SAMD12: variants seen among roughly 807,000 people sequenced by gnomAD.
SAMD12 encodes sterile alpha motif domain containing 12, also known as sterile alpha motif domain-containing protein 12.
Under a neutral mutation model 15.0 loss-of-function variants are expected in SAMD12, and 9 were observed. The observed-to-expected ratio is 0.60, with a 90% CI of 0.36 to 1.05. The LOEUF (loss-of-function observed/expected upper bound fraction) is 1.05. Ranked by LOEUF, SAMD12 falls within the 50% of genes least tolerant of loss-of-function variation. The pLI, the probability that SAMD12 is intolerant of heterozygous loss-of-function variation, is 0.01. For missense variants in SAMD12, 230 were observed against 234.2 expected (o/e 0.98, Z 0.12); for synonymous variants, 86 against 90.1 (o/e 0.96, Z 0.25).
intron 2 of SAMD12, among the ~76,000 whole-genome samples, chr8:118,575,080 T>G (rs995755514): frequency 2.0e-5 from 3 of 152,226 alleles, no homozygotes; most frequent in African/African-American, 7.2e-5. Flanking sequence ...TGTCCACAAG[T>G]TGCCCTGCAG....
chr8:118,568,110 T>C (rs191757915), intron 2 of SAMD12, among the ~76,000 whole-genome samples: 33 of 152,232 alleles, frequency 2.2e-4, no homozygotes, highest in Admixed American at 2.2e-3. Context: ...GGTAAAGAAA[T>C]TACAAGACAG....
the SAMD12 span, among the ~76,000 whole-genome samples, chr8:118,136,907 C>T: frequency 6.6e-5 from 10 of 152,334 alleles, no homozygotes; most frequent in East Asian, 1.5e-3. Flanking sequence ...CTTCTTCCTC[C>T]CCCATTTCTT....
At chr8:118,548,710 G>A (rs1046546463) in intron 2 of SAMD12, among the ~76,000 whole-genome samples, 31 of 152,222 alleles carry the variant, frequency 2.0e-4, no homozygotes, top group Admixed American at 9.8e-4. Context: ...TGCGCGAGCC[G>A]AAGCAGGGCG....
At chr8:118,496,166 C>T (rs1189371071) in intron 2 of SAMD12, among the ~76,000 whole-genome samples, 2 of 152,190 alleles carry the variant, frequency 1.3e-5, no homozygotes, top group African/African-American at 2.4e-5. Context: ...AATGATATTC[C>T]TATCAAACTA....
chr8:118,517,805 A>C (rs540515105), intron 2 of SAMD12, among the ~76,000 whole-genome samples: 1 of 152,176 alleles, frequency 6.6e-6, no homozygotes, highest in Non-Finnish European at 1.5e-5. Flanking sequence ...TTTTGGTTGC[A>C]ACTCAGCCAC....
At chr8:118,414,366 G>A (rs1331522873) in intron 3 of SAMD12, among the ~76,000 whole-genome samples, 1 of 150,726 alleles carries the variant, frequency 6.6e-6, no homozygotes, top group African/African-American at 2.4e-5. Context: ...TCACATTTTA[G>A]TGACAATGTA....
chr8:118,408,967 C>T (rs1380137322), intron 3 of SAMD12, among the ~76,000 whole-genome samples: 6 of 152,058 alleles, frequency 3.9e-5, no homozygotes, highest in African/African-American at 7.3e-5. Context: ...GGTGCACTCT[C>T]GGCCCACTCC....
chr8:118,408,618 A>C (rs1340563297), intron 3 of SAMD12, among the ~76,000 whole-genome samples: 1 of 152,184 alleles, frequency 6.6e-6, no homozygotes, highest in Non-Finnish European at 1.5e-5. Flanking sequence ...TTCTTAATAA[A>C]TACTAACTGC....
the SAMD12 span, among the ~76,000 whole-genome samples, chr8:118,151,829 CA>C: frequency 5.2e-5 from 3 of 57,386 alleles, no homozygotes; most frequent in South Asian, 1.1e-3. Context: ...GACTCTGTCT[CA>C]AAAAAAAAGA....
At chr8:118,521,845 T>C (rs538372920) in intron 2 of SAMD12, among the ~76,000 whole-genome samples, 138 of 152,304 alleles carry the variant, frequency 9.1e-4, no homozygotes, top group Admixed American at 3.1e-3. Context: ...ACAGAGCAAA[T>C]GCAAAAGAGA....
intron 4 of SAMD12, among the ~76,000 whole-genome samples, chr8:118,307,606 C>A (rs1815412110): frequency 6.6e-6 from 1 of 152,164 alleles, no homozygotes; most frequent in Non-Finnish European, 1.5e-5. Context: ...TACAATAAAC[C>A]TGCATAATTA....
chr8:118,586,336 TTTTC>T (rs1398541233), intron 1 of SAMD12, among the ~76,000 whole-genome samples: 23 of 150,308 alleles, frequency 1.5e-4, no homozygotes, highest in Admixed American at 2.6e-4. Flanking sequence ...CTTCTCCTCT[TTTTC>T]TTTCTTTTTT....
chr8:118,539,931 T>C (rs1189749130), intron 2 of SAMD12, among the ~76,000 whole-genome samples: 2 of 150,116 alleles, frequency 1.3e-5, no homozygotes, highest in African/African-American at 4.9e-5. Flanking sequence ...GATGATGCAT[T>C]TATTCAACAA....
intron 2 of SAMD12, among the ~76,000 whole-genome samples, chr8:118,522,294 T>C (rs1222840598): frequency 6.6e-6 from 1 of 152,086 alleles, no homozygotes; most frequent in Non-Finnish European, 1.5e-5. Flanking sequence ...AACTTGATTT[T>C]AGTTCAAGTT....
the SAMD12 span, among the ~76,000 whole-genome samples, chr8:118,156,656 A>G: frequency 6.6e-6 from 1 of 152,200 alleles, no homozygotes; most frequent in Non-Finnish European, 1.5e-5. Flanking sequence ...ACGGGCATCT[A>G]TTATATACTG....
chr8:118,253,810 T>C (rs1812870981), intron 4 of SAMD12, among the ~76,000 whole-genome samples: 1 of 152,178 alleles, frequency 6.6e-6, no homozygotes, highest in East Asian at 1.9e-4. Context: ...AGGTGATTTC[T>C]GCGAAATCAA....
At chr8:118,241,095 A>G (rs1030081300) in intron 4 of SAMD12, among the ~76,000 whole-genome samples, 1 of 152,184 alleles carries the variant, frequency 6.6e-6, no homozygotes, top group African/African-American at 2.4e-5. Context: ...CCAGAGTCCA[A>G]TATTTCTCTC....
chr8:118,497,554 C>T (rs1824652357), intron 2 of SAMD12, among the ~76,000 whole-genome samples: 3 of 151,678 alleles, frequency 2.0e-5, no homozygotes, highest in Admixed American at 1.3e-4. Flanking sequence ...TAATAGACAC[C>T]AGGGCCGACT....
At chr8:118,371,495 C>T (rs542166632) in intron 4 of SAMD12, among the ~76,000 whole-genome samples, 1 of 151,938 alleles carries the variant, frequency 6.6e-6, no homozygotes, top group East Asian at 1.9e-4. Flanking sequence ...GTCATGGACT[C>T]CATGTGAGTG....
Sources: allele counts gnomAD v4.1 joint callset (sites outside exome capture counted in the v4.1 genomes callset), GRCh38; gene constraint gnomAD v4.1.1; transcripts MANE v1.5; gene names NCBI Gene and HGNC (gene_info 2026-07-23, HGNC 2026-07-21).